FAM50A: variants seen among roughly 807,000 people sequenced by gnomAD.
The protein encoded by FAM50A is family with sequence similarity 50 member A.
In FAM50A, 6 loss-of-function variants were observed where a neutral mutation model predicts 35.5. That is an observed-to-expected ratio of 0.17 (90% CI 0.09 to 0.33). The LOEUF (loss-of-function observed/expected upper bound fraction) is 0.33, where lower values mean the gene tolerates loss of function less well. FAM50A is among the 10% of genes least tolerant of loss of function. The pLI is 1.00. For synonymous variants in FAM50A, 120 were observed against 110.9 expected (o/e 1.08, Z -0.52); for missense variants, 145 against 295.5 (o/e 0.49, Z 3.73).
chrX:154,446,169 G>A (rs782181197), intron 3 of FAM50A: 2 of 446,364 alleles, frequency 4.5e-6, no homozygotes, highest in Non-Finnish European at 3.9e-6. Context: ...AGCAGCCTGC[G>A]TTCTCCCCAT....
chrX:154,445,743 C>T (rs781962345), intron 2 of FAM50A, 26 bp downstream of exon 2: 8 of 1,182,752 alleles, frequency 6.8e-6, no homozygotes, highest in East Asian at 3.0e-5. Flanking sequence ...GTGCCCCTCA[C>T]CCGGGCCCCG....
chrX:154,450,415 T>C lies in FAM50A; in HGVS notation c.1012-9T>C. 2 of 1,210,989 alleles carry C rather than the reference T, an allele frequency of 1.7e-6. No individual in the cohort carries two copies. The highest frequency in any genetic ancestry group is 1.1e-6 in the Non-Finnish European group (1 of 895,089). On this transcript the variant is annotated splice_polypyrimidine_tract_variant and intron_variant, in intron 12 of 12. Coordinates refer to ENST00000393600, the MANE Select transcript of FAM50A (RefSeq NM_004699.4). ...CTTGTCTCCTCTGCCCACCTTGTCCTCACACTAGATCCGCTGAGCATCCAG... is the reference window on the plus strand; with the variant it reads ...CTTGTCTCCTCTGCCCACCTTGTCCCCACACTAGATCCGCTGAGCATCCAG...
In FAM50A at chrX:154,446,496, GGAA is replaced by G; in HGVS notation, c.384_386del (p.Glu129del). The G allele has an allele frequency of 8.3e-7, 1 of 1,202,081 alleles. No individual in the cohort carries two copies. On this transcript the variant is annotated inframe_deletion, in exon 4 of 13. Coordinates refer to ENST00000393600, the MANE Select transcript of FAM50A (RefSeq NM_004699.4). ...CCAGCCTGTCCTTCACCCTGGAGGAGGAAGAAGAGGGAGGCGAGGAGGAAGAGG... is the reference window on the plus strand; with the variant it reads ...CCAGCCTGTCCTTCACCCTGGAGGAGGAAGAGGGAGGCGAGGAGGAAGAGG...
In FAM50A at chrX:154,450,439, A is replaced by G; in HGVS notation, c.*7A>G. 6 of 1,209,778 alleles carry G rather than the reference A, an allele frequency of 5.0e-6. No individual in the cohort carries two copies. Among genetic ancestry groups the G allele is most frequent in the Non-Finnish European group, 6.7e-6 (6 of 894,504 alleles). On this transcript the variant is annotated 3_prime_UTR_variant, in exon 13 of 13. Coordinates refer to ENST00000393600, the MANE Select transcript of FAM50A (RefSeq NM_004699.4). Reference sequence around the variant, plus strand: ...CTCACACTAGATCCGCTGAGCATCCAGGAGGCTGCGCGGCCCCGGCTCCTC... The same window carrying G: ...CTCACACTAGATCCGCTGAGCATCCGGGAGGCTGCGCGGCCCCGGCTCCTC...
chrX:154,448,642 A>G (rs1569553603), intron 5 of FAM50A, 48 bp from the exon 6 acceptor site: 2 of 1,187,519 alleles, frequency 1.7e-6, no homozygotes, highest in Admixed American at 4.4e-5. Flanking sequence ...CTCTGCGTGC[A>G]CCCTGAGCAG....
chrX:154,445,677 C>T lies in FAM50A; in HGVS notation c.156C>T (p.His52=). ...ACATTGACAAGAAGTTCTCTGCGCA[C>T]TACGACGCGGTGGAGGCAGAGCTCA... The part of the protein sequence containing the change: ...KSNIDKKFSA[H]YDAVEAELKS... Residue 52 remains histidine (H), a synonymous_variant, in exon 2 of 13, where the codon CAC becomes CAT. Coordinates refer to ENST00000393600, the MANE Select transcript of FAM50A (RefSeq NM_004699.4). The T allele has an allele frequency of 8.3e-7, 1 of 1,210,084 alleles. No individual in the cohort carries two copies.
chrX:154,449,141 CCCTCTGGG>C lies in FAM50A; in HGVS notation c.649-73_649-66del, dbSNP rs1271317865. 4.2e-6 allele frequency: 4 copies of C among 946,078 alleles called. No homozygotes were observed. In the African/African-American group the frequency reaches 7.7e-5, roughly 18 times the overall value. 78.0% of individuals were successfully genotyped at this position (946,078 alleles called of 1,213,427 possible). On this transcript the variant is annotated intron_variant, in intron 7 of 12. Transcript: ENST00000393600. ...TGAGGCTCTGCAGCGTCTGGCAGGG[CCCTCTGGG>C]CCTCTGCCTTGTTGAGAGCCCTTCT...
intron 3 of FAM50A, 107 bp from the exon 4 acceptor site, chrX:154,446,308 C>A: frequency 1.4e-6 from 1 of 738,978 alleles, no homozygotes; most frequent in Non-Finnish European, 2.1e-6. Context: ...CCAGCCTGGG[C>A]TGGGCAGGCC....
chrX:154,448,779 G>A (rs782478748), intron 6 of FAM50A, 23 bp downstream of exon 6: 2 of 1,202,186 alleles, frequency 1.7e-6, no homozygotes, highest in South Asian at 3.5e-5. Context: ...GGAGTCAGAC[G>A]CGAGGGGCCT....
intron 8 of FAM50A, 117 bp downstream of exon 8, chrX:154,449,414 C>G: frequency 6.6e-6 from 4 of 604,076 alleles, no homozygotes; most frequent in Non-Finnish European, 8.4e-6. Context: ...GTGCTGGGCA[C>G]TCTCCTCCCA....
At chrX:154,444,947 G>A (rs1355237752) in intron 1 of FAM50A, 10 of 112,255 alleles carry the variant, frequency 8.9e-5, no homozygotes, top group Admixed American at 1.9e-4. Flanking sequence ...GGGAAGGAGC[G>A]TGGAGGAGCT....
Position 154,445,722 on chromosome X carries a change from G to T in FAM50A, c.196+5G>T. On this transcript the variant is annotated splice_donor_5th_base_variant and intron_variant, in intron 2 of 12. Transcript: ENST00000393600. ...AGCTCAAGTCCAGCACCGTGGGTGA[G>T]CAGGGTGCGGGTGCCCCTCACCCGG... The T allele has an allele frequency of 8.3e-7, 1 of 1,202,075 alleles. No homozygotes were observed. The highest frequency in any genetic ancestry group is 1.1e-6 in the Non-Finnish European group (1 of 886,936).
rs782101437 is a variant in FAM50A at position 154,448,885 on chromosome X, C to T, written c.587-8C>T. 8.3e-7 allele frequency: 1 copy of T among 1,210,031 alleles called. No individual in the cohort carries two copies. Among genetic ancestry groups the T allele is most frequent in the East Asian group, 3.0e-5 (1 of 33,817 alleles). Reference sequence around the variant, plus strand: ...GGCTGGAGACCAAGAGGCAGCTCTGCCTTGTAGGTGAGGAGATCGAGATCA... The same window carrying T: ...GGCTGGAGACCAAGAGGCAGCTCTGTCTTGTAGGTGAGGAGATCGAGATCA... On this transcript the variant is annotated splice_polypyrimidine_tract_variant and splice_region_variant and intron_variant, in intron 6 of 12. Coordinates refer to ENST00000393600, the MANE Select transcript of FAM50A (RefSeq NM_004699.4).
intron 1 of FAM50A, chrX:154,445,431 G>A (rs1233752403): frequency 1.1e-5 from 5 of 446,940 alleles, no homozygotes; most frequent in African/African-American, 9.9e-5. Context: ...CCCAGCAGGA[G>A]ACCTGAAGAG....
Position 154,448,883 on chromosome X carries a change from T to C in FAM50A, c.587-10T>C, listed in dbSNP as rs781794327. On this transcript the variant is annotated splice_polypyrimidine_tract_variant and intron_variant, in intron 6 of 12. Transcript: ENST00000393600. ...GGGGCTGGAGACCAAGAGGCAGCTC[T>C]GCCTTGTAGGTGAGGAGATCGAGAT... 2 of 1,210,267 alleles carry C rather than the reference T, an allele frequency of 1.7e-6. No homozygotes were observed. The highest frequency in any genetic ancestry group is 2.2e-6 in the Non-Finnish European group (2 of 893,917).
In FAM50A at chrX:154,444,222, C is replaced by T; in HGVS notation, c.-14C>T. ...CCGCCGCCCGCCGCCGCCGCCGCCG[C>T]CGCCGCCGCTGCCATGGCTCAATAC... On this transcript the variant is annotated 5_prime_UTR_variant, in exon 1 of 13. Coordinates refer to ENST00000393600, the MANE Select transcript of FAM50A (RefSeq NM_004699.4). 1.2e-6 allele frequency: 1 copy of T among 856,294 alleles called. No homozygotes were observed. Among genetic ancestry groups the T allele is most frequent in the Non-Finnish European group, 1.4e-6 (1 of 692,244 alleles). 70.6% of individuals were successfully genotyped at this position (856,294 alleles called of 1,213,427 possible). A position where few individuals can be genotyped will look rare whatever the true frequency, so the allele number is the denominator to read the frequency against.
chrX:154,446,807 C>T (rs952104103), intron 4 of FAM50A, among the ~76,000 whole-genome samples: 1 of 112,305 alleles, frequency 8.9e-6, no homozygotes, highest in Non-Finnish European at 1.9e-5. Context: ...CCCCAGGTGC[C>T]TCGTATGACT....
rs2068778901 is a variant in FAM50A at position 154,445,538 on chromosome X, A to AG, written c.112-91dup. On this transcript the variant is annotated intron_variant, in intron 1 of 12. Coordinates refer to ENST00000393600, the MANE Select transcript of FAM50A (RefSeq NM_004699.4). ...TGGAACCTTCCATCGACAAGGGCAC[A>AG]GGGGCAGATTTGGACTATAACGCAG... is the stretch of plus-strand genomic sequence containing the variant. The AG allele has an allele frequency of 1.5e-5, 10 of 669,507 alleles. No individual in the cohort carries two copies. In the Admixed American group the frequency reaches 2.3e-4, roughly 15 times the overall value. The allele number at this position is 669,507 out of a possible 1,213,427, so 55.2% of individuals were successfully genotyped here. A position where few individuals can be genotyped will look rare whatever the true frequency, so the allele number is the denominator to read the frequency against.
chrX:154,447,962 G>A (rs782152993), intron 4 of FAM50A, among the ~76,000 whole-genome samples: 11 of 110,870 alleles, frequency 9.9e-5, no homozygotes, highest in Middle Eastern at 9.3e-3. Flanking sequence ...CACAGGTTCC[G>A]TTTAGGGGGC....
Sources: allele counts gnomAD v4.1 joint callset (sites outside exome capture counted in the v4.1 genomes callset), GRCh38; gene constraint gnomAD v4.1.1; transcripts MANE v1.5; gene names NCBI Gene and HGNC (gene_info 2026-07-23, HGNC 2026-07-21).